Variants in SLC26A6 observed in about 807,000 individuals in gnomAD.
SLC26A6 encodes anion exchange transporter.
In SLC26A6, 67 loss-of-function variants were observed where a neutral mutation model predicts 87.1. The observed-to-expected ratio is 0.77, with a 90% CI of 0.63 to 0.94. The LOEUF is 0.94. Among genes scored for constraint, SLC26A6 ranks in the 40% least tolerant of loss-of-function variants. The pLI is 0.00. For missense variants in SLC26A6, 902 were observed against 973.0 expected (o/e 0.93, Z 0.97); for synonymous variants, 414 against 405.9 (o/e 1.02, Z -0.24).
In SLC26A6 at chr3:48,629,701, A is replaced by C. The variant is rs750774103; in HGVS notation, c.1540T>G (p.Ser514Ala). Residue 514 changes from serine to alanine, a missense_variant, in exon 14 of 21, where the codon TCT (serine) becomes GCT (alanine). Ser to Ala is a moderately conservative substitution (Grantham distance 99, BLOSUM62 1). This residue lies in a region of SLC26A6 where 800 missense variants were observed against 856.8 expected (regional missense o/e 0.93). Coordinates refer to ENST00000395550, the MANE Select transcript of SLC26A6 (RefSeq NM_022911.3). The stretch of plus-strand genomic sequence containing the variant: ...GTGTCTGGCACCTGCCCCAGGACAG[A>C]GTAGTGGGGCCTGTGAAGGAGAGAG... ...VVVRTQMPHYSVLGQVPDTDI... is the reference protein window; with the variant it reads ...VVVRTQMPHYAVLGQVPDTDI... 1.9e-6 allele frequency: 3 copies of C among 1,613,394 alleles called. No homozygotes were observed. The highest frequency in any genetic ancestry group is 1.3e-5 in the African/African-American group (1 of 74,870).
In SLC26A6 at chr3:48,630,739, G is replaced by A. The variant is rs780265983; in HGVS notation, c.1135-19C>T. 11 of 1,581,484 alleles carry A rather than the reference G, an allele frequency of 7.0e-6. No individual in the cohort carries two copies. In the Admixed American group the frequency reaches 1.6e-4, roughly 23 times the overall value. ...CCAGCTCCTGACGGGGGACAGTACG[G>A]GTGTGAGAAGACTTCCTAGAAGTGG... is the stretch of plus-strand genomic sequence containing the variant. On this transcript the variant is annotated intron_variant, in intron 9 of 20. Coordinates refer to ENST00000395550, the MANE Select transcript of SLC26A6 (RefSeq NM_022911.3).
In SLC26A6 at chr3:48,631,982, T is replaced by C; in HGVS notation, c.648A>G (p.Arg216=). The change falls in exon 6 of 21, where the codon CGA becomes CGG. Residue 216 remains arginine (R), a synonymous_variant. Transcript: ENST00000395550. ...VVTYLSEPLV[R]GYTTAAAVQV... ...GCACAGCTGCAGCTGTGGTATAGCC[T>C]CGGACAAGAGGTTCTGACAGGTAGG... is the stretch of plus-strand genomic sequence containing the variant. The C allele has an allele frequency of 6.2e-7, 1 of 1,613,412 alleles. No individual in the cohort carries two copies.
intron 5 of SLC26A6, 74 bp from the exon 6 acceptor site, chr3:48,632,118 G>A (rs1315120215): frequency 6.3e-7 from 1 of 1,596,572 alleles, no homozygotes; most frequent in Non-Finnish European, 8.6e-7. Flanking sequence ...GGGCAAGTGG[G>A]ATGGGAGGGG....
Sources: allele counts gnomAD v4.1 joint callset, GRCh38; gene constraint gnomAD v4.1.1; regional missense constraint gnomAD v4.1.1; transcripts MANE v1.5; gene names NCBI Gene and HGNC (gene_info 2026-07-23, HGNC 2026-07-21).